Variants in LINGO2 observed in about 807,000 individuals in gnomAD.
LINGO2 encodes leucine-rich repeat and immunoglobulin-like domain-containing nogo receptor-interacting protein 2.
Under a neutral mutation model 30.6 loss-of-function variants are expected in LINGO2, and 14 were observed. The ratio of observed to expected loss-of-function variants is 0.46; its 90% CI spans 0.30 to 0.72. The LOEUF is 0.72. LINGO2 is among the 30% of genes least tolerant of loss of function. LINGO2 has a pLI of 0.07. For missense variants in LINGO2, 729 were observed against 751.7 expected (o/e 0.97, Z 0.35); for synonymous variants, 317 against 288.5 (o/e 1.10, Z -1.00).
chr9:28,460,132 C>T (rs916883967), intron 2 of LINGO2, among the ~76,000 whole-genome samples: 4 of 152,056 alleles, frequency 2.6e-5, no homozygotes, highest in Non-Finnish European at 5.9e-5. Context: ...TGTCAGCTAT[C>T]CCTTTTTGAC....
At chr9:28,385,456 C>T (rs181096883) in intron 2 of LINGO2, among the ~76,000 whole-genome samples, 236 of 152,240 alleles carry the variant, frequency 1.6e-3, no homozygotes, top group Non-Finnish European at 2.8e-3. Flanking sequence ...TATTCAACTT[C>T]ATGACTCTGC....
Position 28,502,070 on chromosome 9 carries a change from G to T in LINGO2, c.-364-26045C>A, listed in dbSNP as rs371169749. 1.7e-4 allele frequency among the ~76,000 whole-genome samples: 25 copies of T among 151,088 alleles called. 1 individual carries two copies. In the South Asian group the frequency reaches 5.2e-3, roughly 32 times the overall value. On this transcript the variant is annotated intron_variant, in intron 1 of 5. Coordinates refer to ENST00000379992, the Ensembl canonical transcript of LINGO2. Reference sequence around the variant, plus strand: ...ATAAAGGGAAGAAAGGAGGGAGGAAGACAAAGGTTGATAATGCACATTGCA... The same window carrying T: ...ATAAAGGGAAGAAAGGAGGGAGGAATACAAAGGTTGATAATGCACATTGCA...
chr9:28,369,334 G>A (rs1373869526), intron 3 of LINGO2, among the ~76,000 whole-genome samples: 2 of 152,100 alleles, frequency 1.3e-5, no homozygotes, highest in Non-Finnish European at 2.9e-5. Flanking sequence ...GGGGGGTTAT[G>A]CATTATTTAT....
chr9:28,901,027 T>A, the LINGO2 span, among the ~76,000 whole-genome samples: 1 of 152,044 alleles, frequency 6.6e-6, no homozygotes, highest in Non-Finnish European at 1.5e-5. Context: ...ATAGTAAAAC[T>A]ATGTAAAATC....
At chr9:28,176,958 A>C (rs1001911116) in intron 4 of LINGO2, among the ~76,000 whole-genome samples, 2 of 152,180 alleles carry the variant, frequency 1.3e-5, no homozygotes, top group African/African-American at 4.8e-5. Flanking sequence ...ATGTCATCTT[A>C]GTTACAAAAT....
chr9:28,401,044 A>C (rs1822241877), intron 2 of LINGO2, among the ~76,000 whole-genome samples: 1 of 152,194 alleles, frequency 6.6e-6, no homozygotes, highest in Non-Finnish European at 1.5e-5. Context: ...TGTTTGCATT[A>C]TTAATAATCA....
At chr9:29,146,677 A>G in the LINGO2 span, among the ~76,000 whole-genome samples, 43 of 152,180 alleles carry the variant, frequency 2.8e-4, no homozygotes, top group Non-Finnish European at 5.4e-4. Flanking sequence ...CACTCTACTA[A>G]GTTAGGGAAG....
chr9:28,249,793 A>T (rs1323778014), intron 4 of LINGO2, among the ~76,000 whole-genome samples: 1 of 152,178 alleles, frequency 6.6e-6, no homozygotes, highest in Non-Finnish European at 1.5e-5. Context: ...TTCCCCTATC[A>T]TTACCATTAA....
chr9:28,124,335 C>T (rs1490486818), intron 4 of LINGO2, among the ~76,000 whole-genome samples: 1 of 152,190 alleles, frequency 6.6e-6, no homozygotes, highest in African/African-American at 2.4e-5. Flanking sequence ...TAAGATAAGA[C>T]TTTGGGAGGA....
chr9:28,953,297 T>TTA, the LINGO2 span, among the ~76,000 whole-genome samples: 1 of 152,178 alleles, frequency 6.6e-6, no homozygotes, highest in South Asian at 2.1e-4. Flanking sequence ...GAAAGTTGTC[T>TTA]TATATCAGTG....
chr9:28,702,661 G>C, the LINGO2 span, among the ~76,000 whole-genome samples: 3 of 151,870 alleles, frequency 2.0e-5, no homozygotes, highest in Admixed American at 6.6e-5. Context: ...GAATGAGTTA[G>C]AAAGTATTTC....
At chr9:28,693,669 C>T in the LINGO2 span, among the ~76,000 whole-genome samples, 1 of 152,104 alleles carries the variant, frequency 6.6e-6, no homozygotes, top group African/African-American at 2.4e-5. Context: ...AATAAGTTCT[C>T]ATTCAAAGTA....
chr9:29,177,875 C>T, the LINGO2 span, among the ~76,000 whole-genome samples: 1 of 151,278 alleles, frequency 6.6e-6, no homozygotes, highest in Non-Finnish European at 1.5e-5. Flanking sequence ...TTGACCCCTT[C>T]TCTCTTTCTC....
the LINGO2 span, among the ~76,000 whole-genome samples, chr9:29,065,113 T>G: frequency 2.6e-4 from 39 of 152,216 alleles, no homozygotes; most frequent in East Asian, 6.0e-3. Context: ...AGATACTCTC[T>G]CTACACAATG....
the LINGO2 span, among the ~76,000 whole-genome samples, chr9:29,129,888 G>A: frequency 6.6e-6 from 1 of 152,088 alleles, no homozygotes; most frequent in African/African-American, 2.4e-5. Context: ...TGTTTAAAAA[G>A]AGGGATGTTT....
intron 1 of LINGO2, among the ~76,000 whole-genome samples, chr9:28,477,697 A>G (rs1292297588): frequency 6.6e-6 from 1 of 152,174 alleles, no homozygotes; most frequent in Non-Finnish European, 1.5e-5. Flanking sequence ...AGAATATAGC[A>G]AGAGCTTTCT....
At chr9:28,920,425 G>T in the LINGO2 span, among the ~76,000 whole-genome samples, 1 of 152,018 alleles carries the variant, frequency 6.6e-6, no homozygotes, top group Non-Finnish European at 1.5e-5. Flanking sequence ...TTCACAAAAA[G>T]TCTGTGCCTT....
chr9:28,819,466 A>G, the LINGO2 span, among the ~76,000 whole-genome samples: 650 of 152,262 alleles, frequency 4.3e-3, 5 homozygotes, highest in African/African-American at 0.015. Flanking sequence ...TTCTACCACT[A>G]TTCCACATGC....
the LINGO2 span, chr9:28,888,923 A>G: frequency 2.2e-5 from 12 of 533,712 alleles, no homozygotes; most frequent in South Asian, 1.7e-4. Flanking sequence ...TTCATTTTCA[A>G]TAGGAGACTC....
Sources: allele counts gnomAD v4.1 joint callset (sites outside exome capture counted in the v4.1 genomes callset), GRCh38; gene constraint gnomAD v4.1.1; transcripts MANE v1.5; gene names NCBI Gene and HGNC (gene_info 2026-07-23, HGNC 2026-07-21).